PRICKLE2: variants seen among roughly 807,000 people sequenced by gnomAD.
The protein encoded by PRICKLE2 is prickle planar cell polarity protein 2, also known as prickle-like protein 2.
Under a neutral mutation model 81.4 loss-of-function variants are expected in PRICKLE2, and 21 were observed. The ratio of observed to expected loss-of-function variants is 0.26; its 90% CI spans 0.18 to 0.37. The LOEUF (loss-of-function observed/expected upper bound fraction) is 0.37, where lower values mean the gene tolerates loss of function less well. Ranked by LOEUF, PRICKLE2 falls within the 10% of genes least tolerant of loss-of-function variation. PRICKLE2 has a pLI of 1.00. For synonymous variants in PRICKLE2, 456 were observed against 421.5 expected (o/e 1.08, Z -1.00); for missense variants, 940 against 1,109.0 (o/e 0.85, Z 2.16).
intron 6 of PRICKLE2, among the ~76,000 whole-genome samples, chr3:64,150,897 G>T (rs891730923): frequency 6.6e-6 from 1 of 152,234 alleles, no homozygotes; most frequent in African/African-American, 2.4e-5. Context: ...ATCGATGTCA[G>T]ATGGTCCTCT....
intron 2 of PRICKLE2, among the ~76,000 whole-genome samples, chr3:64,186,601 G>A (rs973073255): frequency 6.6e-6 from 1 of 152,198 alleles, no homozygotes; most frequent in Non-Finnish European, 1.5e-5. Context: ...GAAAGCTCCA[G>A]TTTTTGATTG....
intron 7 of PRICKLE2, among the ~76,000 whole-genome samples, chr3:64,129,539 T>TA (rs1025424775): frequency 6.6e-6 from 1 of 150,860 alleles, no homozygotes; most frequent in Non-Finnish European, 1.5e-5. Context: ...CATGTTTAGT[T>TA]AAAAAAAGGG....
intron 7 of PRICKLE2, among the ~76,000 whole-genome samples, chr3:64,123,159 G>C (rs1001445338): frequency 7.2e-5 from 11 of 152,126 alleles, no homozygotes; most frequent in African/African-American, 2.7e-4. Flanking sequence ...TTTATAATGT[G>C]CACACTCCTT....
intron 2 of PRICKLE2, among the ~76,000 whole-genome samples, chr3:64,251,269 C>G (rs1421556733): frequency 6.6e-6 from 1 of 152,188 alleles, no homozygotes; most frequent in Non-Finnish European, 1.5e-5. Context: ...TCCAGGTAGT[C>G]CCTGCTCCAC....
At chr3:64,234,068 T>C (rs1330604542) in intron 2 of PRICKLE2, among the ~76,000 whole-genome samples, 1 of 152,220 alleles carries the variant, frequency 6.6e-6, no homozygotes, top group Non-Finnish European at 1.5e-5. Context: ...TATTCATCAA[T>C]TGATGGATAT....
rs1332245646 is a variant in PRICKLE2, at chr3:64,147,330, C to G, written c.1160G>C (p.Ser387Thr). 6.2e-7 allele frequency: 1 copy of G among 1,614,108 alleles called. No individual in the cohort carries two copies. Among genetic ancestry groups the G allele is most frequent in the East Asian group, 2.2e-5 (1 of 44,866 alleles). Reference protein sequence around the residue: ...DMLSLSSQTPSLNRDPIWRSR... With the variant: ...DMLSLSSQTPTLNRDPIWRSR... ...CCTCCAGATGGGGTCCCGGTTGAGG[C>G]TGGGTGTCTGGCTGGACAGGCTGAG... is the stretch of plus-strand genomic sequence containing the variant. The change falls in exon 7 of 8, where the codon AGC becomes ACC. Residue 387 changes from serine to threonine, a missense_variant. Ser to Thr is a moderately conservative substitution (Grantham distance 58). Transcript: ENST00000638394. The surrounding 1 kb of genome is among the most constrained non-coding windows in gnomAD (Gnocchi z 5.0).
intron 2 of PRICKLE2, among the ~76,000 whole-genome samples, chr3:64,197,047 G>A (rs1422584796): frequency 6.6e-6 from 1 of 152,202 alleles, no homozygotes; most frequent in East Asian, 1.9e-4. Flanking sequence ...AAAATTAGAA[G>A]AAAATGAGCA....
chr3:64,232,199 G>A (rs1173686183), intron 2 of PRICKLE2, among the ~76,000 whole-genome samples: 3 of 152,118 alleles, frequency 2.0e-5, no homozygotes, highest in South Asian at 2.1e-4. Flanking sequence ...CAATGTTAAC[G>A]ATTATGTGAT....
At chr3:64,242,427 C>G (rs1456271598) in intron 2 of PRICKLE2, among the ~76,000 whole-genome samples, 1 of 152,194 alleles carries the variant, frequency 6.6e-6, no homozygotes, top group Non-Finnish European at 1.5e-5. Flanking sequence ...TCTTTCCCAC[C>G]CTGTCTACCC....
intron 1 of PRICKLE2, among the ~76,000 whole-genome samples, chr3:64,203,710 C>T (rs754713338): frequency 4.6e-5 from 7 of 151,638 alleles, no homozygotes; most frequent in Non-Finnish European, 1.0e-4. Flanking sequence ...GCTGAGGCCC[C>T]ATGTGGTCAT....
intron 5 of PRICKLE2, among the ~76,000 whole-genome samples, chr3:64,156,844 C>G (rs2077643389): frequency 6.6e-6 from 1 of 152,164 alleles, no homozygotes. Context: ...TAAAGATGCA[C>G]AATGCAATTT....
At chr3:64,229,626 A>G (rs944581544), upstream of PRICKLE2, among the ~76,000 whole-genome samples, 3 of 152,188 alleles carry the variant, frequency 2.0e-5, no homozygotes, top group African/African-American at 7.2e-5. Context: ...GACATCACTC[A>G]TCCTAGCTCA....
chr3:64,166,407 C>T (rs1188317948), intron 2 of PRICKLE2, among the ~76,000 whole-genome samples: 1 of 152,138 alleles, frequency 6.6e-6, no homozygotes, highest in Non-Finnish European at 1.5e-5. Context: ...AAGGTGCAGC[C>T]AGCAGTGATG....
At chr3:64,227,986 A>G (rs972314951), upstream of PRICKLE2, among the ~76,000 whole-genome samples, 1 of 152,218 alleles carries the variant, frequency 6.6e-6, no homozygotes. Flanking sequence ...GCCATTTTCC[A>G]TATGATACAA....
chr3:64,160,173 C>T (rs1032921623), intron 3 of PRICKLE2, 96 bp from the exon 4 acceptor site: 25 of 1,395,332 alleles, frequency 1.8e-5, no homozygotes, highest in Middle Eastern at 1.8e-4. Flanking sequence ...AATACACTCT[C>T]ATTTGGTTTT....
chr3:64,157,676 C>T (rs1400920368), intron 4 of PRICKLE2, among the ~76,000 whole-genome samples: 1 of 152,080 alleles, frequency 6.6e-6, no homozygotes, highest in African/African-American at 2.4e-5. Context: ...GGCAAACTGG[C>T]ACAGAGGAAA....
intron 2 of PRICKLE2, among the ~76,000 whole-genome samples, chr3:64,231,951 G>A (rs919501954): frequency 2.6e-5 from 4 of 152,044 alleles, no homozygotes; most frequent in Admixed American, 6.5e-5. Flanking sequence ...AAACAAAAAC[G>A]AAAACAAAAA....
chr3:64,099,364 C>T lies in PRICKLE2; in HGVS notation c.2222G>A (p.Arg741Gln), dbSNP rs202197921. The change falls in exon 8 of 8, where the codon CGG becomes CAG. Residue 741 changes from arginine to glutamine, a missense_variant. Physicochemically the swap from Arg to Gln is conservative, Grantham distance 43. Around this residue, in one of 2 missense-constraint regions of PRICKLE2, gnomAD observed 670 missense variants for 717.2 expected, o/e 0.93. Coordinates refer to ENST00000638394, the MANE Select transcript of PRICKLE2 (RefSeq NM_198859.4). This position sits in a 1 kb window ranked among gnomAD's most constrained non-coding sequence, Gnocchi z 4.3. Reference sequence around the variant, plus strand: ...AGGGCACTGGCCGTACAGGTCCCTCCGGGACCCATGCCCCATGCTCTCCTG... The same window carrying T: ...AGGGCACTGGCCGTACAGGTCCCTCTGGGACCCATGCCCCATGCTCTCCTG... ...SFQESMGHGS[R>Q]RDLYGQCPRT... 16 of 1,612,344 alleles carry T rather than the reference C, an allele frequency of 9.9e-6. No homozygotes were observed. The highest frequency in any genetic ancestry group is 1.4e-5 in the Non-Finnish European group (16 of 1,178,624).
intron 2 of PRICKLE2, among the ~76,000 whole-genome samples, chr3:64,190,939 C>T (rs1409263344): frequency 6.6e-6 from 1 of 152,220 alleles, no homozygotes; most frequent in African/African-American, 2.4e-5. Context: ...TGGCAGAGCT[C>T]AGTACTTCAG....
Sources: gnomAD v4.1 joint callset for allele counts (sites outside exome capture counted in the v4.1 genomes callset) on GRCh38, gnomAD v4.1.1 for gene constraint, gnomAD v4.1.1 regional missense constraint, Gnocchi (gnomAD v3.1) non-coding constraint, MANE v1.5 for transcripts, NCBI Gene and HGNC (gene_info 2026-07-23, HGNC 2026-07-21) for gene names.